The following PTPRD variants were observed in gnomAD, a reference collection of about 807,000 sequenced individuals.
PTPRD encodes the protein receptor-type tyrosine-protein phosphatase delta.
A neutral mutation model predicts 214.5 loss-of-function variants in PTPRD; 34 were observed. The observed-to-expected ratio is 0.16, with a 90% CI of 0.12 to 0.21. The LOEUF is 0.21. Ranked by LOEUF, PTPRD falls within the 10% of genes least tolerant of loss-of-function variation. The pLI is 1.00. For missense variants in PTPRD, 2,545 were observed against 2,398.7 expected (o/e 1.06, Z -1.27); for synonymous variants, 1,128 against 845.7 (o/e 1.33, Z -5.79).
chr9:8,662,454 C>T (rs1416274386), intron 12 of PTPRD, among the ~76,000 whole-genome samples: 1 of 152,178 alleles, frequency 6.6e-6, no homozygotes, highest in Non-Finnish European at 1.5e-5. Flanking sequence ...CTGGGTACAA[C>T]AGGGAAGAGA....
intron 9 of PTPRD, among the ~76,000 whole-genome samples, chr9:9,327,787 GTA>G (rs1284457553): frequency 6.6e-6 from 1 of 151,942 alleles, no homozygotes; most frequent in Non-Finnish European, 1.5e-5. Context: ...AGCATAAAAT[GTA>G]TGATAGCATG....
At chr9:10,234,779 C>A (rs546343238) in intron 3 of PTPRD, among the ~76,000 whole-genome samples, 2 of 151,840 alleles carry the variant, frequency 1.3e-5, no homozygotes. Flanking sequence ...GTTTATCTCA[C>A]AACAATAATA....
At chr9:10,304,410 C>T (rs932776601) in intron 3 of PTPRD, among the ~76,000 whole-genome samples, 16 of 151,980 alleles carry the variant, frequency 1.1e-4, no homozygotes, top group African/African-American at 2.7e-4. Context: ...AAGTTCTGGC[C>T]GGTGAATCAG....
At chr9:8,401,112 T>A (rs1357264668) in intron 36 of PTPRD, among the ~76,000 whole-genome samples, 4 of 152,140 alleles carry the variant, frequency 2.6e-5, no homozygotes, top group Non-Finnish European at 5.9e-5. Context: ...AGTATTAGCT[T>A]CCAATATCCA....
At chr9:8,809,854 T>A (rs962992394) in intron 11 of PTPRD, among the ~76,000 whole-genome samples, 5 of 152,198 alleles carry the variant, frequency 3.3e-5, no homozygotes, top group Non-Finnish European at 5.9e-5. Flanking sequence ...GCCTTTATTC[T>A]TCACCAGGAA....
chr9:9,352,887 T>G (rs761044926), intron 9 of PTPRD, among the ~76,000 whole-genome samples: 3 of 151,942 alleles, frequency 2.0e-5, no homozygotes, highest in Admixed American at 2.0e-4. Flanking sequence ...ATGGTTTGAG[T>G]GTTCACTCAG....
intron 3 of PTPRD, among the ~76,000 whole-genome samples, chr9:10,208,815 C>G (rs568004695): frequency 6.6e-6 from 1 of 151,966 alleles, no homozygotes; most frequent in South Asian, 2.1e-4. Flanking sequence ...GAAACAGATG[C>G]TTATTAATTA....
intron 14 of PTPRD, among the ~76,000 whole-genome samples, chr9:8,602,547 T>C (rs1019811375): frequency 2.0e-5 from 3 of 152,240 alleles, no homozygotes; most frequent in African/African-American, 7.2e-5. Context: ...ATTTTTAAAA[T>C]TGTTTTTCAA....
At chr9:8,709,379 G>C (rs2098278308) in intron 12 of PTPRD, among the ~76,000 whole-genome samples, 1 of 151,808 alleles carries the variant, frequency 6.6e-6, no homozygotes, top group Non-Finnish European at 1.5e-5. Context: ...GCTGTGCCTG[G>C]TGGCAGGCAC....
Position 10,548,655 on chromosome 9 carries a change from A to C in PTPRD, c.-600+63743T>G, listed in dbSNP as rs1054145087. 5.8e-4 allele frequency among the ~76,000 whole-genome samples: 88 copies of C among 152,312 alleles called. 1 individual carries two copies. Among genetic ancestry groups the C allele is most frequent in the Admixed American group, 8.5e-4 (13 of 15,294 alleles). ...CTTGTGCAAATTCTAAAGACAAAGA[A>C]AAAAGTGGTAGCACTGAGTTTCTCA... On this transcript the variant is annotated intron_variant, in intron 2 of 45. Coordinates refer to ENST00000381196, the MANE Select transcript of PTPRD (RefSeq NM_002839.4).
At chr9:10,153,069 G>A (rs1040950658) in intron 3 of PTPRD, among the ~76,000 whole-genome samples, 2 of 152,088 alleles carry the variant, frequency 1.3e-5, no homozygotes, top group Admixed American at 1.3e-4. Context: ...TTAGACAGAA[G>A]AAATAAGTTC....
chr9:8,836,450 G>A (rs959001197), intron 11 of PTPRD, among the ~76,000 whole-genome samples: 5 of 151,838 alleles, frequency 3.3e-5, no homozygotes, highest in Admixed American at 6.6e-5. Flanking sequence ...ACATCTACTC[G>A]ACAACTGATT....
At chr9:9,586,041 T>C (rs1048667767) in intron 7 of PTPRD, among the ~76,000 whole-genome samples, 5 of 151,976 alleles carry the variant, frequency 3.3e-5, no homozygotes, top group African/African-American at 1.2e-4. Flanking sequence ...GACCTGAAAA[T>C]GTCCCCAACA....
At chr9:9,814,795 CTTTT>C (rs34270280) in intron 5 of PTPRD, among the ~76,000 whole-genome samples, 18 of 106,370 alleles carry the variant, frequency 1.7e-4, no homozygotes, top group African/African-American at 5.9e-4. Context: ...ACCAAAGTGA[CTTTT>C]TTTTTTTTTT....
chr9:9,035,089 A>G (rs1273924994), intron 10 of PTPRD, among the ~76,000 whole-genome samples: 1 of 152,056 alleles, frequency 6.6e-6, no homozygotes, highest in Non-Finnish European at 1.5e-5. Flanking sequence ...GATTTTTTGC[A>G]TCTCACTAAA....
intron 5 of PTPRD, among the ~76,000 whole-genome samples, chr9:9,877,510 A>G (rs551094808): frequency 6.6e-6 from 1 of 152,258 alleles, no homozygotes; most frequent in Middle Eastern, 3.4e-3. Context: ...TTTCTTTTTC[A>G]TGACTCCTAT....
At chr9:8,452,712 T>C (rs555616648) in intron 33 of PTPRD, among the ~76,000 whole-genome samples, 1 of 152,350 alleles carries the variant, frequency 6.6e-6, no homozygotes, top group East Asian at 1.9e-4. Flanking sequence ...CTTGACATTT[T>C]GGATCTGTCA....
Position 10,121,731 on chromosome 9 carries a change from G to A in PTPRD, c.-544-87941C>T, listed in dbSNP as rs145078415. On this transcript the variant is annotated intron_variant, in intron 3 of 45. Transcript: ENST00000381196. ...ACATCATTTGATAAGCAATAACTCT[G>A]TAACTTAAATATTGAGTCTCTCTCA... is the stretch of plus-strand genomic sequence containing the variant. Among the ~76,000 whole-genome samples the A allele has an allele frequency of 8.5e-5, 13 of 152,228 alleles. No individual in the cohort carries two copies. In the East Asian group the frequency reaches 2.5e-3, roughly 29 times the overall value.
chr9:10,181,274 A>T (rs992816725), intron 3 of PTPRD, among the ~76,000 whole-genome samples: 4 of 152,148 alleles, frequency 2.6e-5, no homozygotes, highest in Non-Finnish European at 5.9e-5. Flanking sequence ...CAATAAAAAG[A>T]GAAACTACAA....
Sources: gnomAD v4.1 joint callset for allele counts (sites outside exome capture counted in the v4.1 genomes callset) on GRCh38, gnomAD v4.1.1 for gene constraint, MANE v1.5 for transcripts, NCBI Gene and HGNC (gene_info 2026-07-23, HGNC 2026-07-21) for gene names.